Variants in STX2 observed in about 807,000 individuals in gnomAD.
The protein encoded by STX2 is syntaxin 2, also known as syntaxin-2.
In STX2, 27 loss-of-function variants were observed where a neutral mutation model predicts 40.6. That is an observed-to-expected ratio of 0.66 (90% CI 0.49 to 0.92). The LOEUF (loss-of-function observed/expected upper bound fraction) is 0.92. STX2 is among the 40% of genes least tolerant of loss of function. The pLI is 0.00. For missense variants in STX2, 328 were observed against 366.1 expected, an observed-to-expected ratio of 0.90 and a Z score of 0.85; for synonymous variants, 123 against 119.1, an observed-to-expected ratio of 1.03 and a Z score of -0.22.
intron 1 of STX2, among the ~76,000 whole-genome samples, chr12:130,828,923 A>G (rs989098917): frequency 1.3e-5 from 2 of 151,992 alleles, no homozygotes; most frequent in Admixed American, 6.6e-5. Context: ...ACCGACAAGC[A>G]GCAGAAACTA....
At chr12:130,812,891 A>G in intron 4 of STX2, 66 bp downstream of exon 4, 13 of 1,152,504 alleles carry the variant, frequency 1.1e-5, no homozygotes, top group Non-Finnish European at 1.6e-5. Flanking sequence ...AAAAACCAAT[A>G]AAGAAAAAAA....
Position 130,791,712 on chromosome 12 carries a change from A to G in STX2, c.*311T>C. 1 of 561,478 alleles carries G rather than the reference A, an allele frequency of 1.8e-6. No individual in the cohort carries two copies. The highest frequency in any genetic ancestry group is 3.2e-6 in the Non-Finnish European group (1 of 316,654). The allele number at this position is 561,478 out of a possible 1,614,324, so 34.8% of individuals were successfully genotyped here. On this transcript the variant is annotated 3_prime_UTR_variant, in exon 11 of 11. Coordinates refer to ENST00000392373, the MANE Select transcript of STX2 (RefSeq NM_194356.4). ...TCATTCAGGGTCACGCATCACACCC[A>G]CTGTGCTTACGGCGCTGTCACTGAA...
At chr12:130,811,357 C>CAAAAA (rs35156542) in intron 4 of STX2, among the ~76,000 whole-genome samples, 5 of 98,458 alleles carry the variant, frequency 5.1e-5, no homozygotes, top group African/African-American at 4.3e-5. Flanking sequence ...GACTCTGTCT[C>CAAAAA]AAAAAAAAAA....
At chr12:130,837,530 C>T (rs928943861) in intron 1 of STX2, among the ~76,000 whole-genome samples, 1 of 152,184 alleles carries the variant, frequency 6.6e-6, no homozygotes, top group Non-Finnish European at 1.5e-5. Context: ...GTGGTCCACC[C>T]AACTCGGCCT....
intron 8 of STX2, among the ~76,000 whole-genome samples, chr12:130,799,765 G>T (rs973349968): frequency 6.7e-6 from 1 of 148,870 alleles, no homozygotes; most frequent in Non-Finnish European, 1.5e-5. Flanking sequence ...AGTGAGCCAA[G>T]ATTGTACCAC....
intron 3 of STX2, among the ~76,000 whole-genome samples, chr12:130,815,832 A>C (rs1033611299): frequency 6.6e-6 from 1 of 152,194 alleles, no homozygotes; most frequent in Non-Finnish European, 1.5e-5. Context: ...TCAATATGTA[A>C]GTTACTTCCA....
intron 6 of STX2, among the ~76,000 whole-genome samples, chr12:130,802,291 G>C (rs1206323752): frequency 6.6e-6 from 1 of 152,024 alleles, no homozygotes; most frequent in Admixed American, 6.6e-5. Context: ...TCTTCCTCCC[G>C]GGTTCAAGCA....
intron 4 of STX2, chr12:130,812,238 TTATA>T (rs1360672373): frequency 2.7e-6 from 1 of 370,044 alleles, no homozygotes; most frequent in East Asian, 8.7e-5. Context: ...TATTAAGTAA[TTATA>T]ATGAATTTGG....
intron 1 of STX2, among the ~76,000 whole-genome samples, chr12:130,835,544 G>A (rs1034135169): frequency 4.0e-4 from 61 of 151,964 alleles, no homozygotes; most frequent in East Asian, 3.9e-4. Flanking sequence ...ATCAAAATAC[G>A]TTTGGGGTGG....
intron 3 of STX2, among the ~76,000 whole-genome samples, 191 bp downstream of exon 3, chr12:130,821,498 G>A (rs894315859): frequency 2.1e-4 from 32 of 151,916 alleles, no homozygotes; most frequent in African/African-American, 7.5e-4. Flanking sequence ...CATACAGGCA[G>A]CTTTAAGAAA....
In STX2 at chr12:130,798,554, C is replaced by CT; in HGVS notation, c.756dup (p.Ala253SerfsTer111). ...CTTGCCTTGCTCTGATATTTGATAG[C>CT]TTTTTTTGTTTCTTCTTTAGCGTGT... is the stretch of plus-strand genomic sequence containing the variant. On this transcript the variant is annotated frameshift_variant, in exon 9 of 11. Transcript: ENST00000392373. LOFTEE classifies it high-confidence loss of function. The CT allele has an allele frequency of 3.1e-6, 5 of 1,604,944 alleles. No homozygotes were observed. The highest frequency in any genetic ancestry group is 1.7e-5 in the Admixed American group (1 of 57,484).
At chr12:130,801,575 T>A in intron 6 of STX2, 87 bp from the exon 7 acceptor site, 1 of 1,339,494 alleles carries the variant, frequency 7.5e-7, no homozygotes, top group Non-Finnish European at 9.9e-7. Context: ...GCAACTACAA[T>A]CATAGTTGTT....
At chr12:130,816,538 G>C (rs1241030555) in intron 3 of STX2, among the ~76,000 whole-genome samples, 1 of 152,196 alleles carries the variant, frequency 6.6e-6, no homozygotes, top group African/African-American at 2.4e-5. Flanking sequence ...AGACCAGACG[G>C]GGATCAGGAA....
At chr12:130,811,412 G>A (rs979367982) in intron 4 of STX2, among the ~76,000 whole-genome samples, 2 of 150,772 alleles carry the variant, frequency 1.3e-5, no homozygotes, top group African/African-American at 4.9e-5. Context: ...AATGAATTAT[G>A]GATCTTGGAA....
At chr12:130,803,389 T>C (rs183155310) in intron 6 of STX2, among the ~76,000 whole-genome samples, 92 of 152,294 alleles carry the variant, frequency 6.0e-4, no homozygotes, top group African/African-American at 1.9e-3. Flanking sequence ...AATAAGGAGA[T>C]TCTCTGAGTT....
intron 3 of STX2, among the ~76,000 whole-genome samples, chr12:130,816,562 C>A (rs955746510): frequency 6.6e-6 from 1 of 152,296 alleles, no homozygotes; most frequent in South Asian, 2.1e-4. Flanking sequence ...CCTCTTCCAG[C>A]GGCCTAGGTG....
intron 6 of STX2, among the ~76,000 whole-genome samples, chr12:130,801,958 G>A (rs981649068): frequency 3.3e-5 from 5 of 152,180 alleles, no homozygotes; most frequent in Admixed American, 3.3e-4. Context: ...GAAGAAACAT[G>A]TACACAGGTT....
At chr12:130,837,472 C>T (rs573963259) in intron 1 of STX2, among the ~76,000 whole-genome samples, 202 of 152,140 alleles carry the variant, frequency 1.3e-3, no homozygotes, top group Non-Finnish European at 2.2e-3. Flanking sequence ...TTAGTAGAAA[C>T]GGGGTTTTGC....
intron 6 of STX2, among the ~76,000 whole-genome samples, chr12:130,804,690 A>G (rs1340193052): frequency 1.3e-5 from 2 of 152,086 alleles, no homozygotes; most frequent in Non-Finnish European, 2.9e-5. Context: ...CAGCTCGCTC[A>G]GCCTTTGGGG....
Sources: allele counts gnomAD v4.1 joint callset (sites outside exome capture counted in the v4.1 genomes callset), GRCh38; gene constraint gnomAD v4.1.1; transcripts MANE v1.5; gene names NCBI Gene and HGNC (gene_info 2026-07-23, HGNC 2026-07-21).